The following ZNF324B variants were observed in gnomAD, a reference collection of about 807,000 sequenced individuals.
ZNF324B encodes zinc finger protein 324B.
In ZNF324B, 7 loss-of-function variants were observed where a neutral mutation model predicts 10.6. That is an observed-to-expected ratio of 0.66 (90% confidence interval 0.38 to 1.24). The LOEUF is 1.24. ZNF324B is among the 50% of genes most tolerant of loss of function. ZNF324B has a pLI of 0.02. For synonymous variants in ZNF324B, 316 were observed against 321.0 expected (o/e 0.98, Z 0.17); for missense variants, 640 against 764.7 (o/e 0.84, Z 1.92).
At chr19:58,441,289 G>A in the ZNF324B span, 2 of 152,464 alleles carry the variant, frequency 1.3e-5, no homozygotes, top group Non-Finnish European at 2.9e-5. Context: ...ACTGGAGAAG[G>A]TGGTTGTAGT....
At position 58,455,636 on chromosome 19, in the gene ZNF324B, C is replaced by T. The variant is rs554542938; in HGVS notation, c.692C>T (p.Pro231Leu). The T allele has an allele frequency of 3.3e-5, 54 of 1,613,870 alleles. No homozygotes were observed. The African/African-American group carries it at 6.5e-4, about 20-fold the overall frequency. ...DRRMGAAWQE[P>L]HRLLGGQEPS... Reference sequence around the variant, plus strand: ...AGAATGGGCGCAGCTTGGCAGGAGCCTCATAGACTCCTCGGTGGCCAGGAG... The same window carrying T: ...AGAATGGGCGCAGCTTGGCAGGAGCTTCATAGACTCCTCGGTGGCCAGGAG... Residue 231 changes from proline to leucine, a missense_variant, in exon 4 of 4, where the codon CCT becomes CTT. Physicochemically the swap from Pro to Leu is moderately conservative, Grantham distance 98. This residue lies in a region of ZNF324B where 345 missense variants were observed against 387.9 expected (regional missense o/e 0.89). Transcript: ENST00000336614. This position sits in a 1 kb window ranked among gnomAD's most constrained non-coding sequence, Gnocchi z 7.0.
the ZNF324B span, chr19:58,439,817 G>C: frequency 1.9e-6 from 3 of 1,544,148 alleles, no homozygotes; most frequent in South Asian, 3.6e-5. Context: ...GCTGGGCAGG[G>C]CCATAACAGG....
chr19:58,437,179 A>G, the ZNF324B span: 31 of 1,611,242 alleles, frequency 1.9e-5, no homozygotes, highest in Non-Finnish European at 2.2e-5. Flanking sequence ...ATGCTCTTCA[A>G]TGTGGGGACA....
rs757699227 is a variant in ZNF324B at position 58,456,342 on chromosome 19, C to G, written c.1398C>G (p.Ala466=). Residue 466 remains alanine (A), a synonymous_variant, in exon 4 of 4, where the codon GCC becomes GCG. Transcript: ENST00000336614. The surrounding 1 kb of genome is among the most constrained non-coding windows in gnomAD (Gnocchi z 4.7). ...GTGGCAAGGGTTTCGCCAAGGGCGC[C>G]GTGCTGCTCAGCCACCGGCGCATTC... ...VDCGKGFAKG[A]VLLSHRRIHT... The G allele has an allele frequency of 6.2e-7, 1 of 1,612,418 alleles. No homozygotes were observed. Among genetic ancestry groups the G allele is most frequent in the Non-Finnish European group, 8.5e-7 (1 of 1,179,874 alleles).
At chr19:58,424,782 C>T in the ZNF324B span, among the ~76,000 whole-genome samples, 1 of 152,092 alleles carries the variant, frequency 6.6e-6, no homozygotes, top group East Asian at 1.9e-4. Context: ...GCCTGGGCAA[C>T]ATAGCCAGAC....
chr19:58,432,959 T>G, the ZNF324B span: 5 of 256,146 alleles, frequency 2.0e-5, no homozygotes, highest in Non-Finnish European at 3.0e-5. Context: ...TGCATCTTCC[T>G]GAGCTCAAAT....
At position 58,451,949 on chromosome 19, in the gene ZNF324B, G is replaced by T. The variant is rs557810625; in HGVS notation, c.-7+245G>T. Among the ~76,000 whole-genome samples, 33 of 152,362 alleles carry T rather than the reference G, an allele frequency of 2.2e-4. No homozygotes were observed. In the East Asian group the frequency reaches 6.2e-3, roughly 28 times the overall value. ...TGGTCCATGCCTTTCTTCCCTCCCA[G>T]TTGCGGGTTCCGCTGGCGGCGGTGG... On this transcript the variant is annotated intron_variant, in intron 1 of 3. Coordinates refer to ENST00000336614, the MANE Select transcript of ZNF324B (RefSeq NM_207395.3).
At chr19:58,434,030 A>G in the ZNF324B span, 1 of 1,614,150 alleles carries the variant, frequency 6.2e-7, no homozygotes, top group Non-Finnish European at 8.5e-7. Flanking sequence ...AGGAGATGGG[A>G]GCTTTGGCTG....
At chr19:58,440,319 C>T in the ZNF324B span, 34,595 of 168,386 alleles carry the variant, frequency 0.21, 4,463 homozygotes, top group East Asian at 0.41. Flanking sequence ...TATTGCGTCG[C>T]TGCTCAGGCA....
the ZNF324B span, among the ~76,000 whole-genome samples, chr19:58,420,761 G>A: frequency 6.6e-6 from 1 of 151,626 alleles, no homozygotes; most frequent in African/African-American, 2.4e-5. Context: ...AGGCTGGAGT[G>A]CAGTGGTGTG....
chr19:58,437,251 A>G, the ZNF324B span: 1 of 1,552,660 alleles, frequency 6.4e-7, no homozygotes, highest in East Asian at 2.2e-5. Flanking sequence ...AAATGGAAAT[A>G]TGCAGGACCT....
chr19:58,446,001 G>A, the ZNF324B span, among the ~76,000 whole-genome samples: 14 of 151,828 alleles, frequency 9.2e-5, no homozygotes, highest in Admixed American at 2.6e-4. Flanking sequence ...CGGGCATGGT[G>A]GCAGGCACCT....
chr19:58,446,947 TCTTTCTTTTCTCGTC>T (rs2052830823), upstream of ZNF324B, among the ~76,000 whole-genome samples: 1 of 151,776 alleles, frequency 6.6e-6, no homozygotes, highest in South Asian at 2.1e-4. Flanking sequence ...CCTTTCCTTT[TCTTTCTTTTCTCGTC>T]CTTTCTTTTC....
At chr19:58,435,816 G>A in the ZNF324B span, 1 of 152,596 alleles carries the variant, frequency 6.6e-6, no homozygotes, top group Admixed American at 6.5e-5. Context: ...ATGTTGCCCA[G>A]GTTGGTCTCA....
intron 3 of ZNF324B, 186 bp from the exon 4 acceptor site, chr19:58,454,997 G>A: frequency 1.2e-6 from 1 of 817,326 alleles, no homozygotes; most frequent in Non-Finnish European, 2.1e-6. Flanking sequence ...ACTGCAGTCA[G>A]TGCCACACCT....
At chr19:58,448,128 C>T (rs1218299244), upstream of ZNF324B, among the ~76,000 whole-genome samples, 3 of 152,090 alleles carry the variant, frequency 2.0e-5, no homozygotes, top group African/African-American at 7.2e-5. Context: ...ATAAAGATAC[C>T]CGAAAATGTG....
the ZNF324B span, among the ~76,000 whole-genome samples, chr19:58,427,374 CTTTCTTTCTTT>C: frequency 4.8e-3 from 205 of 42,286 alleles, 1 homozygote; most frequent in Admixed American, 6.2e-3. Flanking sequence ...TTCTTTCTTT[CTTTCTTTCTTT>C]CTTTCTTTCT....
upstream of ZNF324B, among the ~76,000 whole-genome samples, chr19:58,448,233 A>G (rs1477547116): frequency 6.6e-6 from 1 of 152,198 alleles, no homozygotes; most frequent in East Asian, 1.9e-4. Flanking sequence ...GGAACTTCCT[A>G]GAGACTTGTT....
the ZNF324B span, among the ~76,000 whole-genome samples, chr19:58,431,469 C>A: frequency 3.3e-5 from 5 of 152,166 alleles, no homozygotes; most frequent in African/African-American, 1.2e-4. Flanking sequence ...CTATGTTGCC[C>A]TGGATGGACT....
Sources: allele counts gnomAD v4.1 joint callset (sites outside exome capture counted in the v4.1 genomes callset), GRCh38; gene constraint gnomAD v4.1.1; regional missense constraint gnomAD v4.1.1; non-coding constraint Gnocchi (gnomAD v3.1); transcripts MANE v1.5; gene names NCBI Gene and HGNC (gene_info 2026-07-23, HGNC 2026-07-21).